Variants in ITPR2 observed in about 807,000 individuals in gnomAD.
The protein encoded by ITPR2 is inositol 1,4,5-trisphosphate-gated calcium channel ITPR2.
A neutral mutation model predicts 317.1 loss-of-function variants in ITPR2; 207 were observed. The observed-to-expected ratio is 0.65, with a 90% CI of 0.58 to 0.73. The LOEUF is 0.73. Among genes scored for constraint, ITPR2 ranks in the 30% least tolerant of loss-of-function variants. ITPR2 has a pLI of 0.00. For synonymous variants in ITPR2, 1,156 were observed against 1,149.1 expected (o/e 1.01, Z -0.12); for missense variants, 2,613 against 3,284.0 (o/e 0.80, Z 4.99).
intron 13 of ITPR2, among the ~76,000 whole-genome samples, chr12:26,674,218 A>G (rs1947856162): frequency 6.6e-6 from 1 of 151,518 alleles, no homozygotes; most frequent in South Asian, 2.1e-4. Flanking sequence ...ATGGAACCAA[A>G]AAAGAGCCTG....
At position 26,533,412 on chromosome 12, in the gene ITPR2, C is replaced by T. The variant is rs572306912; in HGVS notation, c.5073+16835G>A. Among the ~76,000 whole-genome samples the T allele has an allele frequency of 8.5e-5, 13 of 152,188 alleles. No individual in the cohort carries two copies. In the South Asian group the frequency reaches 1.4e-3, roughly 17 times the overall value. On this transcript the variant is annotated intron_variant, in intron 37 of 56. Transcript: ENST00000381340. ...TGTTTGTAGATGCCCGCAAGCTGCT[C>T]GGTGCATTTTGGCTGCTGTCAGCAA...
chr12:26,467,266 A>T (rs550369106), intron 45 of ITPR2, among the ~76,000 whole-genome samples: 1 of 152,284 alleles, frequency 6.6e-6, no homozygotes, highest in South Asian at 2.1e-4. Flanking sequence ...ATTAATGAAG[A>T]CTATCAGGAA....
At position 26,722,505 on chromosome 12, in the gene ITPR2, A is replaced by C; in HGVS notation, c.417T>G (p.Pro139=). 1 of 1,613,288 alleles carries C rather than the reference A, an allele frequency of 6.2e-7. No individual in the cohort carries two copies. The highest frequency in any genetic ancestry group is 8.5e-7 in the Non-Finnish European group (1 of 1,179,434). The change falls in exon 5 of 57, where the codon CCT becomes CCG. Residue 139 remains proline, a synonymous_variant. Transcript: ENST00000381340. ...GCATGGCATTCTTCTCCAGTAAAGC[A>C]GGTAATCTCTTGTTGACAGTAAGAT... ...NKYLTVNKRL[P]ALLEKNAMRV... is the part of the protein sequence containing the mutation.
intron 2 of ITPR2, among the ~76,000 whole-genome samples, chr12:26,731,181 G>A (rs1446389579): frequency 6.6e-6 from 1 of 152,162 alleles, no homozygotes; most frequent in Non-Finnish European, 1.5e-5. Flanking sequence ...AGATTTAAAT[G>A]AGGCAAGTGC....
At chr12:26,731,741 T>G (rs1351467386) in intron 2 of ITPR2, among the ~76,000 whole-genome samples, 1 of 152,158 alleles carries the variant, frequency 6.6e-6, no homozygotes, top group Non-Finnish European at 1.5e-5. Flanking sequence ...AAGGCTGCAA[T>G]GAGCTATGAT....
At chr12:26,626,537 C>T (rs891526920) in intron 23 of ITPR2, among the ~76,000 whole-genome samples, 12 of 152,178 alleles carry the variant, frequency 7.9e-5, no homozygotes, top group South Asian at 2.1e-4. Flanking sequence ...TCAATGCAAC[C>T]GCCAGCAAGA....
intron 2 of ITPR2, among the ~76,000 whole-genome samples, chr12:26,779,201 C>T (rs1178481751): frequency 6.6e-6 from 1 of 152,146 alleles, no homozygotes; most frequent in Admixed American, 6.5e-5. Context: ...ATAGGTGAAT[C>T]ACAGTGGAGG....
chr12:26,413,392 G>A (rs1940614219), intron 51 of ITPR2, among the ~76,000 whole-genome samples: 1 of 152,058 alleles, frequency 6.6e-6, no homozygotes, highest in South Asian at 2.1e-4. Flanking sequence ...ATATTTCTCT[G>A]CACTCCAAAT....
At chr12:26,665,860 C>T in intron 14 of ITPR2, 50 bp downstream of exon 14, 1 of 1,519,422 alleles carries the variant, frequency 6.6e-7, no homozygotes, top group Non-Finnish European at 9.0e-7. Context: ...TTTCCTGATA[C>T]TGTAATTCAG....
At chr12:26,358,566 T>C (rs767005021) in intron 55 of ITPR2, among the ~76,000 whole-genome samples, 11 of 152,222 alleles carry the variant, frequency 7.2e-5, no homozygotes, top group Non-Finnish European at 1.6e-4. Context: ...ATCCCGGCTG[T>C]GTTTTGTGGA....
chr12:26,675,206 C>A, intron 13 of ITPR2, among the ~76,000 whole-genome samples: 1 of 152,056 alleles, frequency 6.6e-6, no homozygotes, highest in Non-Finnish European at 1.5e-5. Flanking sequence ...GGTATATACC[C>A]AAAGGACTAT....
chr12:26,699,253 G>C (rs552749821), intron 9 of ITPR2, among the ~76,000 whole-genome samples: 1 of 152,212 alleles, frequency 6.6e-6, no homozygotes, highest in South Asian at 2.1e-4. Flanking sequence ...CTGAAACTTA[G>C]ATCATATATT....
chr12:26,578,502 AAATTT>A (rs373995370), intron 34 of ITPR2, among the ~76,000 whole-genome samples: 5 of 152,192 alleles, frequency 3.3e-5, no homozygotes, highest in South Asian at 2.1e-4. Context: ...CAATAATATT[AAATTT>A]AAGATTTTTA....
At chr12:26,426,375 T>C (rs898255321) in intron 49 of ITPR2, among the ~76,000 whole-genome samples, 40 of 152,356 alleles carry the variant, frequency 2.6e-4, no homozygotes, top group Middle Eastern at 6.8e-3. Flanking sequence ...TTGGTAATAC[T>C]GTAAAATCAG....
chr12:26,484,479 G>A (rs1435880014), intron 41 of ITPR2, among the ~76,000 whole-genome samples: 1 of 152,042 alleles, frequency 6.6e-6, no homozygotes, highest in Non-Finnish European at 1.5e-5. Context: ...ATGTACATAA[G>A]TACACCAACA....
chr12:26,704,888 AAC>A (rs1948522623), intron 9 of ITPR2, among the ~76,000 whole-genome samples: 1 of 152,202 alleles, frequency 6.6e-6, no homozygotes, highest in Admixed American at 6.5e-5. Context: ...GGCCAATATA[AAC>A]ACCATAAACT....
At chr12:26,436,390 T>G in intron 47 of ITPR2, 44 bp from the exon 48 acceptor site, 2 of 1,566,620 alleles carry the variant, frequency 1.3e-6, no homozygotes, top group Non-Finnish European at 1.7e-6. Flanking sequence ...GAAAATACAT[T>G]TTGGTTTCAA....
intron 28 of ITPR2, 118 bp downstream of exon 28, chr12:26,602,252 C>T (rs929205281): frequency 7.4e-5 from 79 of 1,073,478 alleles, no homozygotes; most frequent in Non-Finnish European, 7.9e-6. Context: ...TGATGGGGCA[C>T]CTGGTGGGTG....
intron 2 of ITPR2, among the ~76,000 whole-genome samples, chr12:26,774,973 T>A (rs916740671): frequency 7.2e-5 from 11 of 152,224 alleles, no homozygotes; most frequent in Non-Finnish European, 1.6e-4. Context: ...CCAGTGGCCC[T>A]GGCAGGACTG....
Sources: gnomAD v4.1 joint callset for allele counts (sites outside exome capture counted in the v4.1 genomes callset) on GRCh38, gnomAD v4.1.1 for gene constraint, MANE v1.5 for transcripts, NCBI Gene and HGNC (gene_info 2026-07-23, HGNC 2026-07-21) for gene names.